Variants in MOAP1 observed in about 807,000 individuals in gnomAD.
MOAP1 encodes the protein MAP1.
For missense variants in MOAP1, 385 were observed against 418.6 expected, an observed-to-expected ratio of 0.92 and a Z score of 0.70; for synonymous variants, 150 against 161.0, an observed-to-expected ratio of 0.93 and a Z score of 0.52.
Position 93,183,764 on chromosome 14 carries a change from A to C in MOAP1, c.479T>G (p.Leu160Trp), listed in dbSNP as rs1214486747. 2 of 1,613,930 alleles carry C rather than the reference A, an allele frequency of 1.2e-6. No individual in the cohort carries two copies. Among genetic ancestry groups the C allele is most frequent in the African/African-American group, 2.7e-5 (2 of 74,880 alleles). The change falls in exon 3 of 3, where the codon TTG (leucine) becomes TGG (tryptophan). Residue 160 changes from leucine (L) to tryptophan (W), a missense_variant. By Grantham distance (61) the Leu-to-Trp change is moderately conservative. Coordinates refer to ENST00000298894, the MANE Select transcript of MOAP1 (RefSeq NM_022151.5). Reference sequence around the variant, plus strand: ...GAACACTCTCAGCTTTTTATACTTCAAGCATTGCAGGGCAGGCTGAAGAGC... The same window carrying C: ...GAACACTCTCAGCTTTTTATACTTCCAGCATTGCAGGGCAGGCTGAAGAGC... ...LEALQPALQC[L>W]KYKKLRVFSG...
Position 93,183,027 on chromosome 14 carries a change from TTAAA to T in MOAP1, c.*156_*159del, listed in dbSNP as rs1319440400. On this transcript the variant is annotated 3_prime_UTR_variant, in exon 3 of 3. Coordinates refer to ENST00000298894, the MANE Select transcript of MOAP1 (RefSeq NM_022151.5). ...TAGTCAATTACACCTTTAGGAGACT[TTAAA>T]TAGGCACAGAAACGACAAAGGGCTT... 6.3e-5 allele frequency: 64 copies of T among 1,019,778 alleles called. No individual in the cohort carries two copies. The highest frequency in any genetic ancestry group is 3.4e-5 in the Non-Finnish European group (25 of 730,752). 63.2% of individuals were successfully genotyped at this position (1,019,778 alleles called of 1,614,324 possible). A position where few individuals can be genotyped will look rare whatever the true frequency, so the allele number is the denominator to read the frequency against.
rs758834111 is a variant in MOAP1, at chr14:93,183,551, T to C, written c.692A>G (p.Asp231Gly). 1 of 1,614,204 alleles carries C rather than the reference T, an allele frequency of 6.2e-7. No individual in the cohort carries two copies. The highest frequency in any genetic ancestry group is 8.5e-7 in the Non-Finnish European group (1 of 1,180,028). ...LKINNPLITV[D>G]ECLQALEEVF... ...CTCCTCAAGAGCCTGCAGACATTCA[T>C]CGACAGTAATTAAAGGATTGTTTAT... Residue 231 changes from aspartate (D) to glycine (G), a missense_variant, in exon 3 of 3, where the codon GAT becomes GGT. Physicochemically the swap from Asp to Gly is moderately conservative, Grantham distance 94 (BLOSUM62 -1). Coordinates refer to ENST00000298894, the MANE Select transcript of MOAP1 (RefSeq NM_022151.5).
At position 93,183,153 on chromosome 14, in the gene MOAP1, C is replaced by T; in HGVS notation, c.*34G>A. 3 of 1,564,268 alleles carry T rather than the reference C, an allele frequency of 1.9e-6. No individual in the cohort carries two copies. Among genetic ancestry groups the T allele is most frequent in the Non-Finnish European group, 2.6e-6 (3 of 1,156,760 alleles). On this transcript the variant is annotated 3_prime_UTR_variant, in exon 3 of 3. Transcript: ENST00000298894. ...TAGACTGTTCTACCTTCATGCTCTA[C>T]TCATTGCCATATCCCTTCGTGGTTC...
rs753412125 is a variant in MOAP1, at chr14:93,183,385, C to T, written c.858G>A (p.Glu286=). 8 of 1,614,226 alleles carry T rather than the reference C, an allele frequency of 5.0e-6. No individual in the cohort carries two copies. Among genetic ancestry groups the T allele is most frequent in the Non-Finnish European group, 5.9e-6 (7 of 1,180,038 alleles). ...LQKLVQRGAI[E]RDAVNQARLD... is the part of the protein sequence containing the mutation. ...GGCGGGCCTGATTCACAGCATCTCTCTCAATTGCTCCTCTCTGTACCAGCT... is the reference window on the plus strand; with the variant it reads ...GGCGGGCCTGATTCACAGCATCTCTTTCAATTGCTCCTCTCTGTACCAGCT... Residue 286 remains glutamate, a synonymous_variant, in exon 3 of 3, where the codon GAG becomes GAA. Transcript: ENST00000298894.
At position 93,184,051 on chromosome 14, in the gene MOAP1, T is replaced by A; in HGVS notation, c.192A>T (p.Val64=). The part of the protein sequence containing the change: ...RMFRRDENRK[V]ALVGLTAETS... ...TCTCCGCAGTAAGCCCTACTAAGGC[T>A]ACTTTCCTGTTCTCATCCCTCCTGA... The change falls in exon 3 of 3, where the codon GTA becomes GTT. Residue 64 remains valine (V), a synonymous_variant. Coordinates refer to ENST00000298894, the MANE Select transcript of MOAP1 (RefSeq NM_022151.5). The surrounding 1 kb of genome is among the most constrained non-coding windows in gnomAD (Gnocchi z 4.2). 1 of 1,614,020 alleles carries A rather than the reference T, an allele frequency of 6.2e-7. No individual in the cohort carries two copies. The highest frequency in any genetic ancestry group is 8.5e-7 in the Non-Finnish European group (1 of 1,179,970).
chr14:93,184,284 C>CT lies in MOAP1; in HGVS notation c.-43_-42insA. 1 of 1,310,052 alleles carries CT rather than the reference C, an allele frequency of 7.6e-7. No individual in the cohort carries two copies. The highest frequency in any genetic ancestry group is 9.8e-7 in the Non-Finnish European group (1 of 1,019,650). The allele number at this position is 1,310,052 out of a possible 1,614,324, so 81.2% of individuals were successfully genotyped here. On this transcript the variant is annotated 5_prime_UTR_variant, in exon 3 of 3. Coordinates refer to ENST00000298894, the MANE Select transcript of MOAP1 (RefSeq NM_022151.5). This position sits in a 1 kb window ranked among gnomAD's most constrained non-coding sequence, Gnocchi z 4.2. The stretch of plus-strand genomic sequence containing the variant: ...GACTTAAGTTCTAAATATGCCAGAC[C>CT]ACAGGCGACCACCGAAATTCAAAGT...
In MOAP1 at chr14:93,183,553, G is replaced by A. The variant is rs1893972526; in HGVS notation, c.690C>T (p.Val230=). The A allele has an allele frequency of 5.0e-6, 8 of 1,614,150 alleles. No homozygotes were observed. The highest frequency in any genetic ancestry group is 6.8e-6 in the Non-Finnish European group (8 of 1,180,042). Residue 230 remains valine, a synonymous_variant, in exon 3 of 3, where the codon GTC becomes GTT. Coordinates refer to ENST00000298894, the MANE Select transcript of MOAP1 (RefSeq NM_022151.5). ...VLKINNPLIT[V]DECLQALEEV... The stretch of plus-strand genomic sequence containing the variant: ...CCTCAAGAGCCTGCAGACATTCATC[G>A]ACAGTAATTAAAGGATTGTTTATCT...
Position 93,183,958 on chromosome 14 carries a change from G to A in MOAP1, c.285C>T (p.Pro95=), listed in dbSNP as rs146202153. 34 of 1,613,976 alleles carry A rather than the reference G, an allele frequency of 2.1e-5. No homozygotes were observed. In the South Asian group the frequency reaches 3.2e-4, roughly 15 times the overall value. Residue 95 remains proline (P), a synonymous_variant, in exon 3 of 3, where the codon CCC becomes CCT. Transcript: ENST00000298894. ...KGGIWRVIFK[P]PDPDNTFLSR... is the part of the protein sequence containing the mutation. Reference sequence around the variant, plus strand: ...TTAAAAATGTATTATCTGGGTCAGGGGGCTTAAAGATCACTCTCCAGATAC... The same window carrying A: ...TTAAAAATGTATTATCTGGGTCAGGAGGCTTAAAGATCACTCTCCAGATAC...
rs534240299 is a variant in MOAP1 at position 93,183,988 on chromosome 14, T to C, written c.255A>G (p.Lys85=). 3.1e-6 allele frequency: 5 copies of C among 1,614,098 alleles called. No individual in the cohort carries two copies. The highest frequency in any genetic ancestry group is 1.1e-5 in the South Asian group (1 of 91,066). The change falls in exon 3 of 3, where the codon AAA becomes AAG. Residue 85 remains lysine (K), a synonymous_variant. Transcript: ENST00000298894. The part of the protein sequence containing the change: ...HALVPKEIPG[K]GGIWRVIFKP... ...TAAAGATCACTCTCCAGATACCCCC[T>C]TTTCCCGGTATCTCCTTAGGGACCA...
Position 93,183,127 on chromosome 14 carries a change from A to G in MOAP1, c.*60T>C. 6.5e-7 allele frequency: 1 copy of G among 1,530,104 alleles called. No homozygotes were observed. Among genetic ancestry groups the G allele is most frequent in the South Asian group, 1.3e-5 (1 of 76,808 alleles). 94.8% of individuals were successfully genotyped at this position (1,530,104 alleles called of 1,614,324 possible). The stretch of plus-strand genomic sequence containing the variant: ...GGGATTGTATGTGTCACAAGAGTAT[A>G]TAGACTGTTCTACCTTCATGCTCTA... On this transcript the variant is annotated 3_prime_UTR_variant, in exon 3 of 3. Transcript: ENST00000298894.
In MOAP1 at chr14:93,183,261, G is replaced by T. The variant is rs1020570212; in HGVS notation, c.982C>A (p.Leu328Ile). The T allele has an allele frequency of 6.2e-7, 1 of 1,613,950 alleles. No homozygotes were observed. The highest frequency in any genetic ancestry group is 8.5e-7 in the Non-Finnish European group (1 of 1,180,014). Reference sequence around the variant, plus strand: ...TCAGCTGCCTCATAATCCTTTATTAGTACCAATAACTGCAAGAAACCAGGG... The same window carrying T: ...TCAGCTGCCTCATAATCCTTTATTATTACCAATAACTGCAAGAAACCAGGG... ...PAPGFLQLLV[L>I]IKDYEAAEEE... Residue 328 changes from leucine to isoleucine, a missense_variant, in exon 3 of 3, where the codon CTA becomes ATA. Leu to Ile is a conservative substitution (Grantham distance 5, BLOSUM62 2). Coordinates refer to ENST00000298894, the MANE Select transcript of MOAP1 (RefSeq NM_022151.5).
chr14:93,184,420 G>GGCCCCAA lies in MOAP1; in HGVS notation c.-120-65_-120-59dup, dbSNP rs1893992575. ...TGCCAACGTCCAGGGCAAGCGTGCAGGCCCCAAGCCCCGCGCGCCCTGCCC... is the reference window on the plus strand; with the variant it reads ...TGCCAACGTCCAGGGCAAGCGTGCAGGCCCCAAGCCCCAAGCCCCGCGCGCCCTGCCC... On this transcript the variant is annotated intron_variant, in intron 2 of 2. Coordinates refer to ENST00000298894, the MANE Select transcript of MOAP1 (RefSeq NM_022151.5). This position sits in a 1 kb window ranked among gnomAD's most constrained non-coding sequence, Gnocchi z 4.2. The GGCCCCAA allele has an allele frequency of 5.0e-6, 1 of 198,538 alleles. No homozygotes were observed. Among genetic ancestry groups the GGCCCCAA allele is most frequent in the Admixed American group, 6.3e-5 (1 of 15,778 alleles). The allele number at this position is 198,538 out of a possible 1,614,324, so 12.3% of individuals were successfully genotyped here.
chr14:93,183,277 G>C lies in MOAP1; in HGVS notation c.966C>G (p.Phe322Leu). ...CCTTTATTAGTACCAATAACTGCAA[G>C]AAACCAGGGGCTGGGCCATCCTCTG... is the stretch of plus-strand genomic sequence containing the variant. ...NLPEDGPAPG[F>L]LQLLVLIKDY... is the part of the protein sequence containing the mutation. The change falls in exon 3 of 3, where the codon TTC (phenylalanine) becomes TTG (leucine). Residue 322 changes from phenylalanine (F) to leucine (L), a missense_variant. Phe to Leu is a conservative substitution (Grantham distance 22, BLOSUM62 0). Coordinates refer to ENST00000298894, the MANE Select transcript of MOAP1 (RefSeq NM_022151.5). 6.2e-7 allele frequency: 1 copy of C among 1,614,132 alleles called. No homozygotes were observed. Among genetic ancestry groups the C allele is most frequent in the Non-Finnish European group, 8.5e-7 (1 of 1,180,016 alleles).
chr14:93,183,478 T>TA lies in MOAP1; in HGVS notation c.764dup (p.Thr256AsnfsTer7). 6.2e-7 allele frequency: 1 copy of TA among 1,614,214 alleles called. No individual in the cohort carries two copies. Among genetic ancestry groups the TA allele is most frequent in the Non-Finnish European group, 8.5e-7 (1 of 1,180,046 alleles). Reference sequence around the variant, plus strand: ...TTTCCTCATCCTTCTGGTAAGTGGTTAGATATTTGACCTGCAACTCCCTAG... The same window carrying TA: ...TTTCCTCATCCTTCTGGTAAGTGGTTAAGATATTTGACCTGCAACTCCCTAG... On this transcript the variant is annotated frameshift_variant, in exon 3 of 3. Coordinates refer to ENST00000298894, the MANE Select transcript of MOAP1 (RefSeq NM_022151.5). LOFTEE classifies it low-confidence loss of function (END_TRUNC).
chr14:93,183,057 A>G lies in MOAP1; in HGVS notation c.*130T>C. On this transcript the variant is annotated 3_prime_UTR_variant, in exon 3 of 3. Coordinates refer to ENST00000298894, the MANE Select transcript of MOAP1 (RefSeq NM_022151.5). Reference sequence around the variant, plus strand: ...TAGGCACAGAAACGACAAAGGGCTTATACTGAGAATTGCACAAAAATGAGT... The same window carrying G: ...TAGGCACAGAAACGACAAAGGGCTTGTACTGAGAATTGCACAAAAATGAGT... 3.8e-6 allele frequency: 5 copies of G among 1,332,392 alleles called. No homozygotes were observed. The highest frequency in any genetic ancestry group is 5.0e-6 in the Non-Finnish European group (5 of 1,001,638). The allele number at this position is 1,332,392 out of a possible 1,614,324, so 82.5% of individuals were successfully genotyped here. A position where few individuals can be genotyped will look rare whatever the true frequency, so the allele number is the denominator to read the frequency against.
rs1566812479 is a variant in MOAP1, at chr14:93,183,740, A to G, written c.503T>C (p.Phe168Ser). The G allele has an allele frequency of 3.7e-6, 6 of 1,613,982 alleles. No individual in the cohort carries two copies. Among genetic ancestry groups the G allele is most frequent in the South Asian group, 1.1e-5 (1 of 91,064 alleles). Residue 168 changes from phenylalanine to serine, a missense_variant, in exon 3 of 3, where the codon TTC becomes TCC. Transcript: ENST00000298894. Reference sequence around the variant, plus strand: ...TGGTTCTGGAGACTCCCTGCCCGAGAACACTCTCAGCTTTTTATACTTCAA... The same window carrying G: ...TGGTTCTGGAGACTCCCTGCCCGAGGACACTCTCAGCTTTTTATACTTCAA... ...QCLKYKKLRV[F>S]SGRESPEPGE...
In MOAP1 at chr14:93,183,141, C is replaced by A; in HGVS notation, c.*46G>T. On this transcript the variant is annotated 3_prime_UTR_variant, in exon 3 of 3. Coordinates refer to ENST00000298894, the MANE Select transcript of MOAP1 (RefSeq NM_022151.5). ...CACAAGAGTATATAGACTGTTCTAC[C>A]TTCATGCTCTACTCATTGCCATATC... The A allele has an allele frequency of 6.5e-7, 1 of 1,546,812 alleles. No homozygotes were observed. The highest frequency in any genetic ancestry group is 8.7e-7 in the Non-Finnish European group (1 of 1,149,730).
chr14:93,182,887 G>A lies in MOAP1; in HGVS notation c.*300C>T, dbSNP rs992668340. On this transcript the variant is annotated 3_prime_UTR_variant, in exon 3 of 3. Coordinates refer to ENST00000298894, the MANE Select transcript of MOAP1 (RefSeq NM_022151.5). Reference sequence around the variant, plus strand: ...GGAGGATGCAGTGAGCCAAGATCACGCCACTGCACTCCAGCCTGGGTGACA... The same window carrying A: ...GGAGGATGCAGTGAGCCAAGATCACACCACTGCACTCCAGCCTGGGTGACA... 3 of 327,500 alleles carry A rather than the reference G, an allele frequency of 9.2e-6. No homozygotes were observed. The highest frequency in any genetic ancestry group is 2.1e-5 in the African/African-American group (1 of 47,008). The allele number at this position is 327,500 out of a possible 1,614,324, so 20.3% of individuals were successfully genotyped here. A position where few individuals can be genotyped will look rare whatever the true frequency, so the allele number is the denominator to read the frequency against.
rs1893974908 is a variant in MOAP1, at chr14:93,183,637, C to T, written c.606G>A (p.Lys202=). 3.7e-6 allele frequency: 6 copies of T among 1,614,222 alleles called. No homozygotes were observed. Among genetic ancestry groups the T allele is most frequent in the Non-Finnish European group, 5.1e-6 (6 of 1,180,026 alleles). The change falls in exon 3 of 3, where the codon AAG becomes AAA. Residue 202 remains lysine (K), a synonymous_variant. Coordinates refer to ENST00000298894, the MANE Select transcript of MOAP1 (RefSeq NM_022151.5). ...IKAWQVPDVE[K]RRRLLESLRG... is the part of the protein sequence containing the mutation. ...GAAGGCTCTCTAGCAATCGCCTTCT[C>T]TTCTCTACATCTGGCACCTGCCACG...
Sources: gnomAD v4.1 joint callset for allele counts on GRCh38, gnomAD v4.1.1 for gene constraint, Gnocchi (gnomAD v3.1) non-coding constraint, MANE v1.5 for transcripts, NCBI Gene and HGNC (gene_info 2026-07-23, HGNC 2026-07-21) for gene names.